ANXA10: variants seen among roughly 807,000 people sequenced by gnomAD.
The protein encoded by ANXA10 is annexin 14.
In ANXA10, 49 loss-of-function variants were observed where a neutral mutation model predicts 53.5. The ratio of observed to expected loss-of-function variants is 0.92; its 90% CI spans 0.73 to 1.16. ANXA10 has a LOEUF of 1.16. Ranked by LOEUF, ANXA10 falls within the 50% of genes most tolerant of loss-of-function variation. ANXA10 has a pLI of 0.00. For missense variants in ANXA10, 393 were observed against 394.4 expected (o/e 1.00, Z 0.03); for synonymous variants, 131 against 128.9 (o/e 1.02, Z -0.11).
chr4:168,110,268 G>C (rs1484770562), intron 1 of ANXA10, among the ~76,000 whole-genome samples: 1 of 151,972 alleles, frequency 6.6e-6, no homozygotes, highest in Non-Finnish European at 1.5e-5. Flanking sequence ...GTTAGAAGTA[G>C]AAACCTGTTA....
chr4:168,120,397 TG>T (rs1371837855), intron 1 of ANXA10, among the ~76,000 whole-genome samples: 1 of 152,032 alleles, frequency 6.6e-6, no homozygotes, highest in Non-Finnish European at 1.5e-5. Context: ...AAGCACATCT[TG>T]GGGGAAAAAT....
At chr4:168,102,427 G>A (rs762574384) in intron 1 of ANXA10, among the ~76,000 whole-genome samples, 7 of 152,100 alleles carry the variant, frequency 4.6e-5, no homozygotes, top group Middle Eastern at 3.4e-3. Flanking sequence ...TCCAAACTCT[G>A]GCAAATATTG....
intron 2 of ANXA10, among the ~76,000 whole-genome samples, chr4:168,133,182 G>A (rs183058150): frequency 4.6e-5 from 7 of 152,144 alleles, no homozygotes; most frequent in Admixed American, 1.3e-4. Flanking sequence ...GTACTGCCTA[G>A]TGTGTTCCTA....
chr4:168,170,209 T>C (rs1358919900), intron 6 of ANXA10, among the ~76,000 whole-genome samples: 5 of 152,328 alleles, frequency 3.3e-5, no homozygotes, highest in East Asian at 1.9e-4. Context: ...ATTTAGATTA[T>C]GAATGAACAG....
chr4:168,116,965 T>G (rs1438580398), intron 1 of ANXA10, among the ~76,000 whole-genome samples: 5 of 147,212 alleles, frequency 3.4e-5, no homozygotes, highest in Non-Finnish European at 7.6e-5. Flanking sequence ...TCCTCCAGTT[T>G]CACTAATATC....
chr4:168,157,945 T>C (rs1731717637), intron 3 of ANXA10, among the ~76,000 whole-genome samples: 1 of 152,218 alleles, frequency 6.6e-6, no homozygotes, highest in African/African-American at 2.4e-5. Context: ...ATGTTCATTT[T>C]TGTTGGTTAA....
chr4:168,167,154 G>C (rs1199516878), intron 6 of ANXA10, among the ~76,000 whole-genome samples: 2 of 152,118 alleles, frequency 1.3e-5, no homozygotes, highest in African/African-American at 4.8e-5. Flanking sequence ...ACTCTGAGAA[G>C]TCCTCCCCTG....
intron 3 of ANXA10, among the ~76,000 whole-genome samples, chr4:168,150,068 G>A (rs562536855): frequency 1.3e-5 from 2 of 152,234 alleles, no homozygotes; most frequent in Admixed American, 1.3e-4. Context: ...TCACCTGCAG[G>A]ATCGTCTCCA....
intron 6 of ANXA10, among the ~76,000 whole-genome samples, chr4:168,165,559 C>A (rs533074471): frequency 1.8e-4 from 27 of 151,870 alleles, no homozygotes; most frequent in African/African-American, 6.3e-4. Flanking sequence ...AATTAAAAAT[C>A]TATTCTAAAG....
At chr4:168,139,407 G>A (rs746161715) in intron 2 of ANXA10, 79 bp from the exon 3 acceptor site, 23 of 1,195,230 alleles carry the variant, frequency 1.9e-5, no homozygotes, top group Non-Finnish European at 2.8e-5. Context: ...GTGCATACTG[G>A]TTATGATCGT....
intron 2 of ANXA10, among the ~76,000 whole-genome samples, chr4:168,129,600 G>T (rs972554753): frequency 1.3e-5 from 2 of 152,108 alleles, no homozygotes; most frequent in Non-Finnish European, 1.5e-5. Flanking sequence ...AGCTCAAATT[G>T]CTTTAAAGTT....
intron 6 of ANXA10, among the ~76,000 whole-genome samples, chr4:168,170,856 T>C (rs1731971162): frequency 6.6e-6 from 1 of 152,092 alleles, no homozygotes; most frequent in Non-Finnish European, 1.5e-5. Context: ...TAATAGAAAA[T>C]GGAGGTACCA....
intron 1 of ANXA10, among the ~76,000 whole-genome samples, 200 bp downstream of exon 1, chr4:168,092,918 A>C (rs1730482501): frequency 6.6e-6 from 1 of 152,164 alleles, no homozygotes; most frequent in Non-Finnish European, 1.5e-5. Context: ...GGGATTATTA[A>C]ACATTACTAT....
chr4:168,146,748 C>T (rs1731412777), intron 3 of ANXA10, among the ~76,000 whole-genome samples: 1 of 151,990 alleles, frequency 6.6e-6, no homozygotes, highest in Non-Finnish European at 1.5e-5. Flanking sequence ...CATTTTTCCC[C>T]CCACAGACTA....
Position 168,164,930 on chromosome 4 carries a change from AAAAAGT to A in ANXA10, c.401-315_401-310del, listed in dbSNP as rs1264119086. Among the ~76,000 whole-genome samples the A allele has an allele frequency of 4.6e-5, 7 of 152,202 alleles. 1 individual carries two copies. In the East Asian group the frequency reaches 5.8e-4, roughly 13 times the overall value. On this transcript the variant is annotated intron_variant, in intron 5 of 11. Transcript: ENST00000359299. ...TGTTAAAATGAGATGAAGCACTTAG[AAAAAGT>A]ATTGGGCTGGGCAGCATTCTGTGGA...
intron 1 of ANXA10, among the ~76,000 whole-genome samples, chr4:168,102,923 A>C (rs13108166): frequency 0.66 from 100,935 of 151,930 alleles, 34,116 homozygotes; most frequent in African/African-American, 0.77. Flanking sequence ...TTTTACTTTG[A>C]ATTTCTTTAT....
chr4:168,129,922 T>G (rs1389653669), intron 2 of ANXA10, among the ~76,000 whole-genome samples: 1 of 152,194 alleles, frequency 6.6e-6, no homozygotes, highest in Non-Finnish European at 1.5e-5. Flanking sequence ...CATGTGTAAT[T>G]GCTAGGTCAG....
intron 2 of ANXA10, 92 bp from the exon 3 acceptor site, chr4:168,139,394 T>C (rs1731290499): frequency 2.1e-6 from 2 of 943,226 alleles, no homozygotes; most frequent in Non-Finnish European, 3.2e-6. Flanking sequence ...TCAGGGATAA[T>C]GCGTGCATAC....
chr4:168,172,179 A>ATGT (rs1732003886), intron 6 of ANXA10, among the ~76,000 whole-genome samples: 1 of 152,208 alleles, frequency 6.6e-6, no homozygotes, highest in Admixed American at 6.5e-5. Flanking sequence ...TTTACATGAC[A>ATGT]AAGCCAGCTT....
Sources: gnomAD v4.1 joint callset for allele counts (sites outside exome capture counted in the v4.1 genomes callset) on GRCh38, gnomAD v4.1.1 for gene constraint, MANE v1.5 for transcripts, NCBI Gene and HGNC (gene_info 2026-07-23, HGNC 2026-07-21) for gene names.